NKAIN3: variants seen among roughly 807,000 people sequenced by gnomAD.
NKAIN3 encodes the protein sodium/potassium transporting ATPase interacting 3, also known as sodium/potassium-transporting ATPase subunit beta-1-interacting protein 3.
Under a neutral mutation model 30.2 loss-of-function variants are expected in NKAIN3, and 25 were observed. The observed-to-expected ratio is 0.83, with a 90% confidence interval of 0.60 to 1.16. NKAIN3 has a LOEUF of 1.16. Among genes scored for constraint, NKAIN3 ranks in the 50% most tolerant of loss-of-function variants. The pLI, the probability that NKAIN3 is intolerant of heterozygous loss-of-function variation, is 0.00. For missense variants in NKAIN3, 225 were observed against 254.1 expected, an observed-to-expected ratio of 0.89 and a Z score of 0.78; for synonymous variants, 91 against 89.6, an observed-to-expected ratio of 1.02 and a Z score of -0.09.
At chr8:62,410,608 A>G (rs965061049) in intron 1 of NKAIN3, among the ~76,000 whole-genome samples, 15 of 152,132 alleles carry the variant, frequency 9.9e-5, no homozygotes, top group African/African-American at 3.6e-4. Context: ...AGATTGATAA[A>G]CCACTAGCTA....
intron 1 of NKAIN3, among the ~76,000 whole-genome samples, chr8:62,541,135 C>T (rs929812653): frequency 1.3e-5 from 2 of 151,586 alleles, no homozygotes; most frequent in African/African-American, 2.4e-5. Flanking sequence ...CATGGTGAAA[C>T]CCGGTCTCAA....
At chr8:62,803,066 A>G (rs145619987) in intron 4 of NKAIN3, among the ~76,000 whole-genome samples, 3,040 of 152,298 alleles carry the variant, frequency 0.02, 112 homozygotes, top group African/African-American at 0.07. Flanking sequence ...AGAGCTAACT[A>G]TCCTAAATAT....
intron 1 of NKAIN3, among the ~76,000 whole-genome samples, chr8:62,534,852 C>G (rs1422919868): frequency 1.8e-5 from 2 of 108,650 alleles, no homozygotes; most frequent in Non-Finnish European, 3.7e-5. Context: ...AAAAACATTG[C>G]ATTTATTGGT....
At position 62,965,674 on chromosome 8, in the gene NKAIN3, T is replaced by G; in HGVS notation, c.*267T>G. Reference sequence around the variant, plus strand: ...TTTGGTTTTAAATTTTTAACAATATTTAATGTGAGGCATGCAAAATGAAAA... The same window carrying G: ...TTTGGTTTTAAATTTTTAACAATATGTAATGTGAGGCATGCAAAATGAAAA... On this transcript the variant is annotated 3_prime_UTR_variant, in exon 7 of 7. Transcript: ENST00000623646. The G allele has an allele frequency of 1.0e-6, 1 of 980,874 alleles. No homozygotes were observed. Among genetic ancestry groups the G allele is most frequent in the Middle Eastern group, 5.3e-4 (1 of 1,904 alleles). 60.8% of individuals were successfully genotyped at this position (980,874 alleles called of 1,614,324 possible).
At position 62,248,984 on chromosome 8, in the gene NKAIN3, C is replaced by A; in HGVS notation, c.-90C>A. On this transcript the variant is annotated 5_prime_UTR_variant, in exon 1 of 7. Transcript: ENST00000623646. ...GCGGGGCCGAGGAGCCTGGGCCGGGCCGGGCGGGGACTACTCCGGAGTCAG... is the reference window on the plus strand; with the variant it reads ...GCGGGGCCGAGGAGCCTGGGCCGGGACGGGCGGGGACTACTCCGGAGTCAG... The A allele has an allele frequency of 1.6e-6, 2 of 1,243,694 alleles. No individual in the cohort carries two copies. Among genetic ancestry groups the A allele is most frequent in the Non-Finnish European group, 2.2e-6 (2 of 897,056 alleles). The allele number at this position is 1,243,694 out of a possible 1,614,324, so 77.0% of individuals were successfully genotyped here.
At chr8:62,558,394 C>T (rs918556383) in intron 1 of NKAIN3, among the ~76,000 whole-genome samples, 1 of 151,870 alleles carries the variant, frequency 6.6e-6, no homozygotes, top group East Asian at 1.9e-4. Flanking sequence ...TGTGAGGGCT[C>T]TTTTTTGGTT....
At chr8:62,545,747 C>G (rs903287400) in intron 1 of NKAIN3, among the ~76,000 whole-genome samples, 1 of 152,108 alleles carries the variant, frequency 6.6e-6, no homozygotes, top group Non-Finnish European at 1.5e-5. Context: ...TTTACTGTTA[C>G]ACAAAACACT....
intron 1 of NKAIN3, among the ~76,000 whole-genome samples, chr8:62,373,478 T>C (rs1387593898): frequency 6.6e-6 from 1 of 152,212 alleles, no homozygotes; most frequent in Non-Finnish European, 1.5e-5. Context: ...GGAGAGATTA[T>C]ACTGATCTGT....
chr8:62,806,390 A>T (rs1179133632), intron 4 of NKAIN3, among the ~76,000 whole-genome samples: 1 of 152,230 alleles, frequency 6.6e-6, no homozygotes, highest in Non-Finnish European at 1.5e-5. Context: ...AATAGCAAGG[A>T]CTTTGAACCA....
chr8:62,596,345 C>T (rs1252851451), intron 3 of NKAIN3, among the ~76,000 whole-genome samples: 4 of 151,942 alleles, frequency 2.6e-5, no homozygotes, highest in African/African-American at 7.2e-5. Flanking sequence ...GCTCTTTTGG[C>T]TTCAATATCC....
At chr8:62,792,053 C>A (rs1235803232) in intron 4 of NKAIN3, among the ~76,000 whole-genome samples, 1 of 152,052 alleles carries the variant, frequency 6.6e-6, no homozygotes, top group Non-Finnish European at 1.5e-5. Flanking sequence ...AAATTCATGA[C>A]CAGGGATACT....
chr8:62,796,167 T>C (rs1817853659), intron 4 of NKAIN3, among the ~76,000 whole-genome samples: 1 of 151,804 alleles, frequency 6.6e-6, no homozygotes, highest in African/African-American at 2.4e-5. Flanking sequence ...GTGGATCACT[T>C]GAGGCCAAGA....
At chr8:62,470,500 A>G (rs1208836769) in intron 1 of NKAIN3, among the ~76,000 whole-genome samples, 1 of 152,092 alleles carries the variant, frequency 6.6e-6, no homozygotes, top group Non-Finnish European at 1.5e-5. Context: ...ACTTAATTTA[A>G]TGTCTAAATC....
intron 1 of NKAIN3, among the ~76,000 whole-genome samples, chr8:62,356,959 G>A (rs929760226): frequency 1.3e-5 from 2 of 151,994 alleles, no homozygotes; most frequent in African/African-American, 4.8e-5. Context: ...AAAATTAGCT[G>A]GGCATGATGG....
intron 4 of NKAIN3, among the ~76,000 whole-genome samples, chr8:62,840,427 A>C (rs1048071921): frequency 1.3e-4 from 16 of 126,212 alleles, no homozygotes; most frequent in Non-Finnish European, 1.8e-4. Flanking sequence ...AGGGTCACAA[A>C]AAAAAAAAAA....
chr8:62,277,190 C>T (rs946930211), intron 1 of NKAIN3, among the ~76,000 whole-genome samples: 9 of 152,130 alleles, frequency 5.9e-5, no homozygotes, highest in Admixed American at 2.6e-4. Context: ...ATTTCAGCTA[C>T]ATTTTTAATG....
rs1286042064 is a variant in NKAIN3, at chr8:62,983,260, C to A, written c.*17853C>A. The stretch of plus-strand genomic sequence containing the variant: ...ATAAAGCAAAAAAAACAGATTCTAC[C>A]CACCGGGAGCTCCTAGTCCAGTGGT... On this transcript the variant is annotated 3_prime_UTR_variant, in exon 7 of 7. Coordinates refer to ENST00000623646, the MANE Select transcript of NKAIN3 (RefSeq NM_001304533.3). The A allele has an allele frequency of 6.6e-6, 1 of 152,126 alleles. No individual in the cohort carries two copies. Among genetic ancestry groups the A allele is most frequent in the South Asian group, 2.1e-4 (1 of 4,808 alleles). The allele number at this position is 152,126 out of a possible 1,614,324, so 9.4% of individuals were successfully genotyped here. A position where few individuals can be genotyped will look rare whatever the true frequency, so the allele number is the denominator to read the frequency against.
intron 1 of NKAIN3, among the ~76,000 whole-genome samples, chr8:62,455,691 C>T (rs527538975): frequency 3.4e-4 from 52 of 152,320 alleles, no homozygotes; most frequent in African/African-American, 1.2e-3. Flanking sequence ...TTCAATCTCA[C>T]AGTGAACTAT....
At chr8:62,658,282 G>C (rs1216521118) in intron 3 of NKAIN3, among the ~76,000 whole-genome samples, 1 of 152,144 alleles carries the variant, frequency 6.6e-6, no homozygotes, top group Non-Finnish European at 1.5e-5. Context: ...CCCTCTGTCA[G>C]TTAAGAGGCA....
Sources: gnomAD v4.1 joint callset for allele counts (sites outside exome capture counted in the v4.1 genomes callset) on GRCh38, gnomAD v4.1.1 for gene constraint, MANE v1.5 for transcripts, NCBI Gene and HGNC (gene_info 2026-07-23, HGNC 2026-07-21) for gene names.